Variants in RAD51B observed in about 807,000 individuals in gnomAD.
RAD51B encodes RAD51 paralog B.
In RAD51B, 38 loss-of-function variants were observed where a neutral mutation model predicts 42.2. The ratio of observed to expected loss-of-function variants is 0.90; its 90% confidence interval spans 0.70 to 1.18. The LOEUF (loss-of-function observed/expected upper bound fraction) is 1.18, where lower values mean the gene tolerates loss of function less well. RAD51B is among the 50% of genes most tolerant of loss of function. The pLI, the probability that RAD51B is intolerant of heterozygous loss-of-function variation, is 0.00. For missense variants in RAD51B, 373 were observed against 400.7 expected, an observed-to-expected ratio of 0.93 and a Z score of 0.59; for synonymous variants, 154 against 145.2, an observed-to-expected ratio of 1.06 and a Z score of -0.43.
At chr14:68,141,515 A>G (rs946826967) in intron 7 of RAD51B, among the ~76,000 whole-genome samples, 12 of 152,226 alleles carry the variant, frequency 7.9e-5, no homozygotes, top group Non-Finnish European at 2.9e-5. Flanking sequence ...CACTAGCAAA[A>G]TGTCCTGCAT....
In RAD51B at chr14:68,141,879, A is replaced by T. The variant is rs547954285; in HGVS notation, c.757-150005A>T. 4.5e-4 allele frequency among the ~76,000 whole-genome samples: 69 copies of T among 152,276 alleles called. 1 individual carries two copies. Among genetic ancestry groups the T allele is most frequent in the Non-Finnish European group, 8.8e-5 (6 of 68,022 alleles). ...GTCATCTTCTTCATTTGGCCTTCCT[A>T]GACCTTCCCAGGCTGGTCTGCAGCC... On this transcript the variant is annotated intron_variant, in intron 7 of 10. Transcript: ENST00000471583.
At chr14:67,898,830 C>T (rs1314328529) in intron 7 of RAD51B, among the ~76,000 whole-genome samples, 1 of 152,082 alleles carries the variant, frequency 6.6e-6, no homozygotes, top group Non-Finnish European at 1.5e-5. Flanking sequence ...AAAAATATTT[C>T]CCAAACATTT....
At chr14:68,320,909 C>T (rs1231908130) in intron 8 of RAD51B, among the ~76,000 whole-genome samples, 2 of 152,158 alleles carry the variant, frequency 1.3e-5, no homozygotes, top group African/African-American at 4.8e-5. Context: ...TAGGGTCACA[C>T]TAGAACACTG....
intron 7 of RAD51B, among the ~76,000 whole-genome samples, chr14:67,931,763 A>G (rs1245978907): frequency 6.6e-6 from 1 of 152,132 alleles, no homozygotes; most frequent in Non-Finnish European, 1.5e-5. Flanking sequence ...TTGGCCTCCC[A>G]AAGTGCTGGG....
Position 68,441,611 on chromosome 14 carries a change from G to A in RAD51B, c.958-26561G>A, listed in dbSNP as rs142144870. 1.8e-4 allele frequency among the ~76,000 whole-genome samples: 27 copies of A among 150,070 alleles called. No individual in the cohort carries two copies. The East Asian group carries it at 5.1e-3, about 28-fold the overall frequency. On this transcript the variant is annotated intron_variant, in intron 9 of 10. Coordinates refer to ENST00000471583, the MANE Select transcript of RAD51B (RefSeq NM_133510.4). ...ATATAACATACATACATAAACTACT[G>A]TCTTCATATGTGGGTACCTGGAAAA...
chr14:67,954,707 T>G (rs912774708), intron 7 of RAD51B, among the ~76,000 whole-genome samples: 2 of 152,156 alleles, frequency 1.3e-5, no homozygotes, highest in African/African-American at 4.8e-5. Context: ...AGGATAGAGA[T>G]GAAATGTTAG....
chr14:67,881,329 C>T (rs1319547775), intron 5 of RAD51B, among the ~76,000 whole-genome samples: 9 of 152,208 alleles, frequency 5.9e-5, no homozygotes, highest in Non-Finnish European at 1.2e-4. Context: ...TTATTCTTCA[C>T]CTTGTGTAAA....
At chr14:67,877,397 A>C (rs11158701) in intron 5 of RAD51B, among the ~76,000 whole-genome samples, 48,348 of 151,938 alleles carry the variant, frequency 0.32, 8,298 homozygotes, top group Middle Eastern at 0.46. Context: ...TTTCCACTGA[A>C]CTGTGGTTGG....
chr14:67,829,019 A>G (rs2040934102), intron 3 of RAD51B, among the ~76,000 whole-genome samples: 1 of 152,208 alleles, frequency 6.6e-6, no homozygotes, highest in Non-Finnish European at 1.5e-5. Flanking sequence ...AATTCTGTGA[A>G]GAATGTGAAT....
chr14:68,408,412 A>G (rs4902578), intron 8 of RAD51B, among the ~76,000 whole-genome samples: 130,842 of 152,204 alleles, frequency 0.86, 56,618 homozygotes, highest in East Asian at 0.97. Context: ...TATGATGTAG[A>G]CTTGCAGTTC....
intron 7 of RAD51B, among the ~76,000 whole-genome samples, chr14:68,000,038 T>C (rs920182617): frequency 6.6e-6 from 1 of 151,952 alleles, no homozygotes. Context: ...AAACTAGTAG[T>C]AGGAATGTAA....
Position 68,024,794 on chromosome 14 carries a change from A to T in RAD51B, c.756+137590A>T, listed in dbSNP as rs543056147. On this transcript the variant is annotated intron_variant, in intron 7 of 10. Coordinates refer to ENST00000471583, the MANE Select transcript of RAD51B (RefSeq NM_133510.4). ...GAAATCATATTGTCAGTGAAGAGAGATAGTTTGACTTCTTCTTTTCCTATT... is the reference window on the plus strand; with the variant it reads ...GAAATCATATTGTCAGTGAAGAGAGTTAGTTTGACTTCTTCTTTTCCTATT... Among the ~76,000 whole-genome samples the T allele has an allele frequency of 5.3e-5, 8 of 152,158 alleles. No individual in the cohort carries two copies. In the South Asian group the frequency reaches 1.7e-3, roughly 32 times the overall value.
chr14:68,682,098 C>A (rs575289400), intron 11 of RAD51B, among the ~76,000 whole-genome samples: 40 of 152,232 alleles, frequency 2.6e-4, no homozygotes, highest in Non-Finnish European at 5.1e-4. Context: ...CTTATGTCAT[C>A]TCACTTTTTT....
intron 7 of RAD51B, among the ~76,000 whole-genome samples, chr14:68,042,507 C>T (rs938419629): frequency 6.6e-6 from 1 of 152,146 alleles, no homozygotes; most frequent in African/African-American, 2.4e-5. Context: ...GTAGACATAC[C>T]TATCCCTAAC....
At chr14:68,514,701 G>T (rs1176931885) in intron 10 of RAD51B, among the ~76,000 whole-genome samples, 1 of 152,162 alleles carries the variant, frequency 6.6e-6, no homozygotes, top group Non-Finnish European at 1.5e-5. Flanking sequence ...CCTGGGGCTG[G>T]AAGGAAGTTA....
chr14:68,409,633 G>T (rs750369162), intron 8 of RAD51B, among the ~76,000 whole-genome samples: 2 of 152,212 alleles, frequency 1.3e-5, no homozygotes, highest in South Asian at 4.1e-4. Context: ...GGTCAAGGAG[G>T]ATGAGGCCAG....
chr14:68,619,705 A>T (rs1207907188), intron 10 of RAD51B, among the ~76,000 whole-genome samples: 2 of 152,210 alleles, frequency 1.3e-5, no homozygotes, highest in Non-Finnish European at 2.9e-5. Context: ...GGCCACAACG[A>T]ACATATAACC....
At chr14:68,654,750 C>A (rs1363921671) in intron 11 of RAD51B, among the ~76,000 whole-genome samples, 49 of 152,144 alleles carry the variant, frequency 3.2e-4, no homozygotes, top group Admixed American at 3.2e-3. Flanking sequence ...AGGCCTGCTT[C>A]AAAACTTGCC....
In RAD51B at chr14:68,249,744, T is replaced by C. The variant is rs375759868; in HGVS notation, c.757-42140T>C. The stretch of plus-strand genomic sequence containing the variant: ...ACAGCCCTGGTGACATGAAAGGGCA[T>C]TGTTGAAATGACCAAGTGAGTCATG... On this transcript the variant is annotated intron_variant, in intron 7 of 10. Transcript: ENST00000471583. Among the ~76,000 whole-genome samples, 6 of 152,332 alleles carry C rather than the reference T, an allele frequency of 3.9e-5. No individual in the cohort carries two copies. In the East Asian group the frequency reaches 5.8e-4, roughly 15 times the overall value.
Sources: gnomAD v4.1 joint callset for allele counts (sites outside exome capture counted in the v4.1 genomes callset) on GRCh38, gnomAD v4.1.1 for gene constraint, MANE v1.5 for transcripts, NCBI Gene and HGNC (gene_info 2026-07-23, HGNC 2026-07-21) for gene names.